MEIS2: variants seen among roughly 807,000 people sequenced by gnomAD.
The protein encoded by MEIS2 is homeobox protein Meis2.
MEIS2 carries 9 observed loss-of-function variants against 58.6 expected under a neutral mutation model. The observed-to-expected ratio is 0.15, with a 90% confidence interval of 0.09 to 0.27. The LOEUF (loss-of-function observed/expected upper bound fraction) is 0.27. Among genes scored for constraint, MEIS2 ranks in the 10% least tolerant of loss-of-function variants. The pLI, the probability that MEIS2 is intolerant of heterozygous loss-of-function variation, is 1.00. For synonymous variants in MEIS2, 221 were observed against 228.4 expected (o/e 0.97, Z 0.29); for missense variants, 427 against 635.0 (o/e 0.67, Z 3.52).
At chr15:37,078,773 C>T (rs1360882044) in intron 7 of MEIS2, among the ~76,000 whole-genome samples, 1 of 151,826 alleles carries the variant, frequency 6.6e-6, no homozygotes, top group African/African-American at 2.4e-5. Flanking sequence ...TATTGTTTAT[C>T]TTTTGTTTAT....
chr15:36,965,464 C>A (rs2059323684), intron 8 of MEIS2, among the ~76,000 whole-genome samples: 1 of 152,166 alleles, frequency 6.6e-6, no homozygotes, highest in Admixed American at 6.5e-5. Flanking sequence ...ACCTCTCTGT[C>A]CCTCCAGAAT....
rs1400721861 is a variant in MEIS2 at position 36,945,604 on chromosome 15, A to T, written c.977+4720T>A. Among the ~76,000 whole-genome samples the T allele has an allele frequency of 2.6e-5, 4 of 152,090 alleles. No individual in the cohort carries two copies. In the East Asian group the frequency reaches 7.7e-4, roughly 29 times the overall value. ...AACAAGCTCCTATATATTCTTGAAA[A>T]ATTCATCAATGGGGCCAAATGGAAA... On this transcript the variant is annotated intron_variant, in intron 9 of 11. Transcript: ENST00000561208.
chr15:37,049,105 C>A (rs576127912), intron 7 of MEIS2, among the ~76,000 whole-genome samples: 1 of 152,084 alleles, frequency 6.6e-6, no homozygotes. Context: ...TTATTTGAGA[C>A]CAAGCAGATA....
intron 10 of MEIS2, 92 bp downstream of exon 10, chr15:36,896,536 C>T (rs1374428509): frequency 1.0e-6 from 1 of 968,142 alleles, no homozygotes; most frequent in African/African-American, 1.7e-5. Flanking sequence ...CTGGTGGAAG[C>T]ACTTATTTAT....
chr15:36,975,117 G>C (rs1595850526), intron 8 of MEIS2, among the ~76,000 whole-genome samples: 1 of 152,046 alleles, frequency 6.6e-6, no homozygotes, highest in African/African-American at 2.4e-5. Context: ...CCTTTCATTG[G>C]TTTATGTTTT....
intron 6 of MEIS2, among the ~76,000 whole-genome samples, chr15:37,090,391 T>A (rs1033033049): frequency 6.6e-6 from 1 of 152,068 alleles, no homozygotes; most frequent in African/African-American, 2.4e-5. Flanking sequence ...AAAGCAAGAA[T>A]ATTATGGTTG....
intron 7 of MEIS2, among the ~76,000 whole-genome samples, chr15:37,057,599 A>G (rs1490044137): frequency 1.3e-5 from 2 of 152,180 alleles, no homozygotes; most frequent in East Asian, 1.9e-4. Context: ...CTGGGACCCA[A>G]CTAGCTGAGA....
intron 8 of MEIS2, among the ~76,000 whole-genome samples, chr15:36,984,443 C>T (rs997275157): frequency 5.3e-5 from 8 of 152,026 alleles, no homozygotes; most frequent in African/African-American, 1.9e-4. Context: ...GGATAAATCC[C>T]ACTTGATCAG....
intron 7 of MEIS2, among the ~76,000 whole-genome samples, chr15:37,057,330 G>A (rs1177417085): frequency 6.6e-6 from 1 of 152,188 alleles, no homozygotes; most frequent in African/African-American, 2.4e-5. Flanking sequence ...TCAGAGTGCT[G>A]ATCCAATGAA....
intron 10 of MEIS2, 112 bp downstream of exon 10, chr15:36,896,516 T>C (rs2056185884): frequency 1.3e-6 from 1 of 793,440 alleles, no homozygotes; most frequent in African/African-American, 1.8e-5. Context: ...AAAAAAAAAA[T>C]CCAGAATGCC....
chr15:37,048,833 A>G (rs1298562787), intron 7 of MEIS2, among the ~76,000 whole-genome samples: 1 of 152,146 alleles, frequency 6.6e-6, no homozygotes, highest in Non-Finnish European at 1.5e-5. Flanking sequence ...AAAATGAACA[A>G]TAGTATTATG....
chr15:37,070,163 C>A (rs1890508175), intron 7 of MEIS2, among the ~76,000 whole-genome samples: 1 of 152,098 alleles, frequency 6.6e-6, no homozygotes, highest in Non-Finnish European at 1.5e-5. Context: ...TTGATTAATA[C>A]AATGAAGAAT....
intron 8 of MEIS2, among the ~76,000 whole-genome samples, chr15:36,975,466 A>AG (rs2059709873): frequency 2.2e-5 from 2 of 90,210 alleles, no homozygotes; most frequent in Middle Eastern, 6.2e-3. Context: ...ATAAAAAATA[A>AG]GGGTTTTTTT....
At chr15:37,067,852 G>GA (rs571175265) in intron 7 of MEIS2, among the ~76,000 whole-genome samples, 181 of 152,234 alleles carry the variant, frequency 1.2e-3, no homozygotes, top group Middle Eastern at 3.4e-3. Flanking sequence ...ACTGTATCCT[G>GA]AAATAGAAAT....
intron 9 of MEIS2, among the ~76,000 whole-genome samples, chr15:36,928,367 C>G (rs1043631477): frequency 6.6e-6 from 1 of 152,180 alleles, no homozygotes; most frequent in African/African-American, 2.4e-5. Context: ...TACCAACTGT[C>G]ATACAGTTCT....
intron 7 of MEIS2, among the ~76,000 whole-genome samples, chr15:37,074,492 C>T (rs1891114063): frequency 6.6e-6 from 1 of 151,892 alleles, no homozygotes; most frequent in Non-Finnish European, 1.5e-5. Context: ...TGAATGGAAA[C>T]ATTAGATTTC....
At chr15:36,966,707 G>A (rs1267463419) in intron 8 of MEIS2, among the ~76,000 whole-genome samples, 1 of 152,210 alleles carries the variant, frequency 6.6e-6, no homozygotes, top group Non-Finnish European at 1.5e-5. Context: ...CTGGCAAGGA[G>A]TGAAGGTACT....
Position 37,039,728 on chromosome 15 carries a change from T to C in MEIS2, c.755-2769A>G, listed in dbSNP as rs189109616. Among the ~76,000 whole-genome samples the C allele has an allele frequency of 2.0e-5, 3 of 152,294 alleles. No individual in the cohort carries two copies. In the East Asian group the frequency reaches 5.8e-4, roughly 29 times the overall value. On this transcript the variant is annotated intron_variant, in intron 7 of 11. Transcript: ENST00000561208. ...TATAAAGCAACCCGTTGTATATAAATGTAAAATATTTGAATTTAGATCCAG... is the reference window on the plus strand; with the variant it reads ...TATAAAGCAACCCGTTGTATATAAACGTAAAATATTTGAATTTAGATCCAG...
At chr15:36,909,714 T>A (rs1029410211) in intron 9 of MEIS2, among the ~76,000 whole-genome samples, 1 of 151,984 alleles carries the variant, frequency 6.6e-6, no homozygotes, top group Non-Finnish European at 1.5e-5. Flanking sequence ...TTGGAAGAAA[T>A]TGGGCCTCTG....
Sources: allele counts gnomAD v4.1 joint callset (sites outside exome capture counted in the v4.1 genomes callset), GRCh38; gene constraint gnomAD v4.1.1; transcripts MANE v1.5; gene names NCBI Gene and HGNC (gene_info 2026-07-23, HGNC 2026-07-21).